The following ANKRD42 variants were observed in gnomAD, a reference collection of about 807,000 sequenced individuals.
The protein encoded by ANKRD42 is ankyrin repeat domain 42.
Under a neutral mutation model 51.5 loss-of-function variants are expected in ANKRD42, and 43 were observed. The observed-to-expected ratio is 0.83, with a 90% CI of 0.65 to 1.08. The LOEUF (loss-of-function observed/expected upper bound fraction) is 1.08. ANKRD42 is among the 50% of genes least tolerant of loss of function. The probability of loss-of-function intolerance (pLI) is 0.00; values close to 1 mark genes in which losing one functional copy is unlikely to be tolerated. For synonymous variants in ANKRD42, 203 were observed against 213.0 expected, an observed-to-expected ratio of 0.95 and a Z score of 0.41; for missense variants, 608 against 629.3, an observed-to-expected ratio of 0.97 and a Z score of 0.36.
intron 5 of ANKRD42, chr11:83,213,544 GTAT>G: frequency 2.4e-6 from 3 of 1,255,692 alleles, no homozygotes; most frequent in Non-Finnish European, 3.0e-6. Context: ...TTCACATATG[GTAT>G]TATTAGTTTT....
intron 5 of ANKRD42, among the ~76,000 whole-genome samples, chr11:83,219,252 G>A (rs1478201100): frequency 6.6e-6 from 1 of 152,184 alleles, no homozygotes; most frequent in Non-Finnish European, 1.5e-5. Context: ...CTTACCAGCG[G>A]GATGGAAACG....
At chr11:83,208,867 A>G (rs989266505) in intron 3 of ANKRD42, among the ~76,000 whole-genome samples, 2 of 152,146 alleles carry the variant, frequency 1.3e-5, no homozygotes, top group African/African-American at 4.8e-5. Context: ...AAGAGTCTCT[A>G]ACTCCTGGGC....
At chr11:83,246,000 A>G (rs887881088) in intron 10 of ANKRD42, among the ~76,000 whole-genome samples, 2 of 152,232 alleles carry the variant, frequency 1.3e-5, no homozygotes, top group Admixed American at 1.3e-4. Context: ...CACTGATTAT[A>G]GTACCCAACA....
downstream of ANKRD42, among the ~76,000 whole-genome samples, chr11:83,250,161 TCTGA>T (rs878950786): frequency 1.3e-5 from 2 of 152,172 alleles, no homozygotes; most frequent in Admixed American, 1.3e-4. Context: ...CTCAAGAAGC[TCTGA>T]CTAAGTCTTT....
At chr11:83,216,062 T>C (rs1218759705) in intron 5 of ANKRD42, among the ~76,000 whole-genome samples, 1 of 152,246 alleles carries the variant, frequency 6.6e-6, no homozygotes, top group African/African-American at 2.4e-5. Flanking sequence ...CCCAAAGTGC[T>C]GGGATTACAG....
chr11:83,201,161 C>G (rs148098616), intron 2 of ANKRD42, among the ~76,000 whole-genome samples: 1,669 of 152,182 alleles, frequency 0.011, 13 homozygotes, highest in Non-Finnish European at 0.017. Context: ...CCCTCCACCC[C>G]CCGACAGGCC....
rs1359995443 is a variant in ANKRD42, at chr11:83,193,964, A to ACCG, written c.-702_-700dup. ...GGGGAAAGAAAATGTGAAGAGAGCG[A>ACCG]CCGCCGCTCCAGGGTCGCTGCAGGA... On this transcript the variant is annotated 5_prime_UTR_variant, in exon 1 of 11. Transcript: ENST00000533342. The ACCG allele has an allele frequency of 4.4e-6, 2 of 456,330 alleles. No individual in the cohort carries two copies. Among genetic ancestry groups the ACCG allele is most frequent in the South Asian group, 3.1e-5 (2 of 64,550 alleles). 28.3% of individuals were successfully genotyped at this position (456,330 alleles called of 1,614,324 possible).
At chr11:83,255,124 C>G (rs1307336902) in intron 11 of ANKRD42, among the ~76,000 whole-genome samples, 1 of 152,188 alleles carries the variant, frequency 6.6e-6, no homozygotes, top group African/African-American at 2.4e-5. Context: ...GGATATGCAC[C>G]TTTTGCTGTT....
At chr11:83,216,437 G>A (rs1590981580) in intron 5 of ANKRD42, among the ~76,000 whole-genome samples, 1 of 151,806 alleles carries the variant, frequency 6.6e-6, no homozygotes, top group Admixed American at 6.6e-5. Flanking sequence ...CCATTCTCCT[G>A]CCTCAGCCTC....
chr11:83,198,515 A>T lies in ANKRD42; in HGVS notation c.95A>T (p.Asp32Val), dbSNP rs1861747680. ...AAGGTGCATTTTGGCAGCATACATG[A>T]TGCAGTACGAGCTGGAGATGTAAAG... ...RKKVHFGSIH[D>V]AVRAGDVKQL... Residue 32 changes from aspartate (D) to valine (V), a missense_variant, in exon 2 of 11, where the codon GAT becomes GTT. Asp to Val is a radical substitution (Grantham distance 152, BLOSUM62 -3). Transcript: ENST00000533342. 1 of 1,613,872 alleles carries T rather than the reference A, an allele frequency of 6.2e-7. No homozygotes were observed. Among genetic ancestry groups the T allele is most frequent in the Non-Finnish European group, 8.5e-7 (1 of 1,179,836 alleles).
chr11:83,239,699 G>T (rs1206105726), intron 8 of ANKRD42, among the ~76,000 whole-genome samples: 2 of 152,032 alleles, frequency 1.3e-5, no homozygotes, highest in African/African-American at 4.8e-5. Context: ...TGTATGTGTG[G>T]GCTTAATTCT....
In ANKRD42 at chr11:83,227,853, A is replaced by C; in HGVS notation, c.894A>C (p.Gly298=). 2.5e-6 allele frequency: 4 copies of C among 1,610,016 alleles called. 1 individual carries two copies. The South Asian group carries it at 4.4e-5, about 18-fold the overall frequency. ...VININERADN[G]STPMHKAAGQ... is the part of the protein sequence containing the mutation. The stretch of plus-strand genomic sequence containing the variant: ...ATATTAATGAGCGTGCTGATAATGG[A>C]TCAACTCCTATGCATAAAGGTGAGT... Residue 298 remains glycine, a synonymous_variant, in exon 7 of 11, where the codon GGA becomes GGC. Coordinates refer to ENST00000533342, the MANE Select transcript of ANKRD42 (RefSeq NM_001300975.2).
chr11:83,233,685 G>A (rs1427554404), intron 7 of ANKRD42, among the ~76,000 whole-genome samples: 3 of 151,788 alleles, frequency 2.0e-5, no homozygotes, highest in Non-Finnish European at 2.9e-5. Context: ...GTTTTGTTTT[G>A]TTTTGTTTTG....
intron 5 of ANKRD42, chr11:83,213,680 G>A (rs774058945): frequency 5.7e-6 from 3 of 523,892 alleles, no homozygotes; most frequent in Non-Finnish European, 8.0e-6. Context: ...GTTTTTTTGT[G>A]TGTGTGATGT....
At position 83,194,593 on chromosome 11, in the gene ANKRD42, T is replaced by A; in HGVS notation, c.-78T>A. The A allele has an allele frequency of 7.0e-7, 1 of 1,426,112 alleles. No homozygotes were observed. The highest frequency in any genetic ancestry group is 9.8e-7 in the Non-Finnish European group (1 of 1,022,522). The allele number at this position is 1,426,112 out of a possible 1,614,324, so 88.3% of individuals were successfully genotyped here. A position where few individuals can be genotyped will look rare whatever the true frequency, so the allele number is the denominator to read the frequency against. On this transcript the variant is annotated 5_prime_UTR_variant, in exon 1 of 11. Coordinates refer to ENST00000533342, the MANE Select transcript of ANKRD42 (RefSeq NM_001300975.2). ...GGGCCGCTGCCGCTGCAGTGGCTCG[T>A]GGGTGAGAGCAAGTGAAGACCGCCG...
At chr11:83,229,895 G>A (rs1160136329) in intron 7 of ANKRD42, among the ~76,000 whole-genome samples, 7 of 152,046 alleles carry the variant, frequency 4.6e-5, no homozygotes, top group African/African-American at 1.7e-4. Context: ...TGTTTATGGG[G>A]TATGTGAGAT....
intron 5 of ANKRD42, among the ~76,000 whole-genome samples, chr11:83,216,869 C>G (rs1157841217): frequency 6.8e-6 from 1 of 146,644 alleles, no homozygotes; most frequent in Non-Finnish European, 1.5e-5. Flanking sequence ...AGTCCCCCCT[C>G]TAAAACAGGA....
rs539259244 is a variant in ANKRD42, at chr11:83,242,567, G to GTTTTTTTTTTTTTTTTTTTTT, written c.1195+1651_1195+1652insTTTTTTTTTTTTTTTTTTTTT. ...GGGGAATTCGGTGAATGGTAGTTAAGTTTTTTTTTTTTTTTTTTAGATGGA... is the reference window on the plus strand; with the variant it reads ...GGGGAATTCGGTGAATGGTAGTTAAGTTTTTTTTTTTTTTTTTTTTTTTTTTTTTTTTTTTTTTTAGATGGA... On this transcript the variant is annotated intron_variant, in intron 9 of 10. Transcript: ENST00000533342. 9.0e-4 allele frequency among the ~76,000 whole-genome samples: 104 copies of GTTTTTTTTTTTTTTTTTTTTT among 115,514 alleles called. 8 individuals carry two copies. The highest frequency in any genetic ancestry group is 3.3e-3 in the African/African-American group (96 of 28,906). 75.8% of individuals were successfully genotyped at this position (115,514 alleles called of 152,430 possible).
chr11:83,204,548 T>C (rs1861995004), intron 2 of ANKRD42, among the ~76,000 whole-genome samples: 1 of 152,018 alleles, frequency 6.6e-6, no homozygotes, highest in South Asian at 2.1e-4. Flanking sequence ...ATTTGGGAGA[T>C]GGGTTCAATA....
Sources: gnomAD v4.1 joint callset for allele counts (sites outside exome capture counted in the v4.1 genomes callset) on GRCh38, gnomAD v4.1.1 for gene constraint, MANE v1.5 for transcripts, NCBI Gene and HGNC (gene_info 2026-07-23, HGNC 2026-07-21) for gene names.